SLC24A1: variants seen among roughly 807,000 people sequenced by gnomAD.
SLC24A1 encodes the protein sodium/potassium/calcium exchanger 1.
In SLC24A1, 52 loss-of-function variants were observed where a neutral mutation model predicts 88.1. That is an observed-to-expected ratio of 0.59 (90% CI 0.47 to 0.74). The LOEUF is 0.74. Among genes scored for constraint, SLC24A1 ranks in the 30% least tolerant of loss-of-function variants. SLC24A1 has a pLI of 0.00. For missense variants in SLC24A1, 1,173 were observed against 1,363.3 expected, an observed-to-expected ratio of 0.86 and a Z score of 2.20; for synonymous variants, 455 against 498.0, an observed-to-expected ratio of 0.91 and a Z score of 1.15.
At chr15:65,630,122 C>A (rs1467749610) in intron 2 of SLC24A1, among the ~76,000 whole-genome samples, 1 of 152,084 alleles carries the variant, frequency 6.6e-6, no homozygotes, top group Non-Finnish European at 1.5e-5. Context: ...TGCCACCACA[C>A]CCAGCTAATT....
At chr15:65,613,340 C>T (rs1294458695) in intron 2 of SLC24A1, among the ~76,000 whole-genome samples, 3 of 152,168 alleles carry the variant, frequency 2.0e-5, no homozygotes, top group East Asian at 3.8e-4. Flanking sequence ...TACTGGGGAG[C>T]TCAAAGGGAA....
chr15:65,638,094 CACA>C, intron 2 of SLC24A1, 31 bp from the exon 3 acceptor site: 2 of 1,552,576 alleles, frequency 1.3e-6, no homozygotes, highest in Non-Finnish European at 1.8e-6. Context: ...AGGGTCTCGC[CACA>C]ACATCTCGTG....
At chr15:65,639,550 C>T in intron 3 of SLC24A1, 45 bp from the exon 4 acceptor site, 1 of 1,290,496 alleles carries the variant, frequency 7.7e-7, no homozygotes, top group Non-Finnish European at 1.1e-6. Context: ...TGGTTCCTCC[C>T]CTGGCTTGGA....
chr15:65,657,195 C>T (rs997504078), downstream of SLC24A1, among the ~76,000 whole-genome samples: 1 of 151,956 alleles, frequency 6.6e-6, no homozygotes, highest in Non-Finnish European at 1.5e-5. Context: ...ATATTTTGAA[C>T]ATTATATTGC....
rs776973720 is a variant in SLC24A1 at position 65,625,216 on chromosome 15, C to T, written c.1136C>T (p.Thr379Ile). 1.4e-5 allele frequency: 23 copies of T among 1,613,884 alleles called. No homozygotes were observed. The Middle Eastern group carries it at 8.2e-4, about 58-fold the overall frequency. Residue 379 changes from threonine (T) to isoleucine (I), a missense_variant, in exon 2 of 10, where the codon ACA (threonine) becomes ATA (isoleucine). Thr to Ile is a moderately conservative substitution (Grantham distance 89). Transcript: ENST00000261892. ...CCTTCCACAGCACCCAGCACCTCAA[C>T]AACCCCTACGGTCAGGGCAAAGCTG... ...KKPSTAPSTS[T>I]TPTVRAKLTM...
At position 65,624,071 on chromosome 15, in the gene SLC24A1, AC is replaced by A. The variant is rs752867423; in HGVS notation, c.-9del. ...GAGAGGCCTTCTGTAACCAGATATA[AC>A]TGGCCAGCATGGGGAAATTGATCAG... is the stretch of plus-strand genomic sequence containing the variant. On this transcript the variant is annotated 5_prime_UTR_variant, in exon 2 of 10. In the 5' UTR this introduces an upstream ATG that the reference lacks. Coordinates refer to ENST00000261892, the MANE Select transcript of SLC24A1 (RefSeq NM_004727.3). 14 of 1,564,148 alleles carry A rather than the reference AC, an allele frequency of 9.0e-6. No individual in the cohort carries two copies. Among genetic ancestry groups the A allele is most frequent in the Non-Finnish European group, 1.2e-5 (14 of 1,158,150 alleles).
At chr15:65,652,981 G>T in intron 9 of SLC24A1, 173 bp downstream of exon 9, 1 of 481,692 alleles carries the variant, frequency 2.1e-6, no homozygotes, top group Non-Finnish European at 3.5e-6. Context: ...TAGCCAGATG[G>T]GATAATAGAC....
Position 65,624,232 on chromosome 15 carries a change from G to T in SLC24A1, c.152G>T (p.Trp51Leu), listed in dbSNP as rs763957405. 6.2e-7 allele frequency: 1 copy of T among 1,613,698 alleles called. No individual in the cohort carries two copies. The part of the protein sequence containing the change: ...LRRPRGLSSL[W>L]AAVSSHQPIK... ...AGACCCCGGGGCCTTTCCTCATTGTGGGCAGCAGTCTCTTCTCATCAGCCT... is the reference window on the plus strand; with the variant it reads ...AGACCCCGGGGCCTTTCCTCATTGTTGGCAGCAGTCTCTTCTCATCAGCCT... Residue 51 changes from tryptophan (W) to leucine (L), a missense_variant, in exon 2 of 10, where the codon TGG (tryptophan) becomes TTG (leucine). By Grantham distance (61) the Trp-to-Leu change is moderately conservative. Coordinates refer to ENST00000261892, the MANE Select transcript of SLC24A1 (RefSeq NM_004727.3).
chr15:65,660,614 T>C (rs1027430326), downstream of SLC24A1: 3 of 255,654 alleles, frequency 1.2e-5, no homozygotes, highest in African/African-American at 8.8e-5. Flanking sequence ...ACTAAAAATA[T>C]ATTTTTAAAG....
chr15:65,645,667 C>T lies in SLC24A1; in HGVS notation c.2196C>T (p.Asp732=). ...CGGTCACACCAGCCCCTGTTCCAGACATCAAGGGAGATCAGAAGGAGAATC... is the reference window on the plus strand; with the variant it reads ...CGGTCACACCAGCCCCTGTTCCAGATATCAAGGGAGATCAGAAGGAGAATC... ...AVTVTPAPVP[D]IKGDQKENPG... is the part of the protein sequence containing the mutation. Residue 732 remains aspartate (D), a synonymous_variant, in exon 6 of 10, where the codon GAC becomes GAT. Coordinates refer to ENST00000261892, the MANE Select transcript of SLC24A1 (RefSeq NM_004727.3). 1.9e-6 allele frequency: 3 copies of T among 1,580,890 alleles called. No homozygotes were observed. Among genetic ancestry groups the T allele is most frequent in the Non-Finnish European group, 2.6e-6 (3 of 1,163,308 alleles).
intron 8 of SLC24A1, 166 bp from the exon 9 acceptor site, chr15:65,652,476 C>G: frequency 1.7e-6 from 1 of 576,418 alleles, no homozygotes; most frequent in Non-Finnish European, 3.1e-6. Flanking sequence ...CTCTTCCTCT[C>G]TGTGGCCATC....
intron 1 of SLC24A1, 51 bp downstream of exon 1, chr15:65,622,143 C>T (rs1384332317): frequency 6.6e-6 from 1 of 152,198 alleles, no homozygotes. Context: ...CAGTTCAGCT[C>T]TGTTACATAA....
intron 2 of SLC24A1, among the ~76,000 whole-genome samples, chr15:65,631,765 G>A (rs919560497): frequency 2.6e-5 from 4 of 152,168 alleles, no homozygotes; most frequent in Non-Finnish European, 2.9e-5. Context: ...GGCAAAAACC[G>A]CGATTACTTT....
In SLC24A1 at chr15:65,625,815, A is replaced by C; in HGVS notation, c.1735A>C (p.Ser579Arg). Residue 579 changes from serine (S) to arginine (R), a missense_variant, in exon 2 of 10, where the codon AGC becomes CGC. Transcript: ENST00000261892. ...AATGCTCATCCTCTTCTTCCTGGAC[A>C]GCCTCATTGCCTGGTGGGAGAGCCT... ...LIMLILFFLDSLIAWWESLLL... is the reference protein window; with the variant it reads ...LIMLILFFLDRLIAWWESLLL... 6.2e-7 allele frequency: 1 copy of C among 1,614,026 alleles called. No individual in the cohort carries two copies. Among genetic ancestry groups the C allele is most frequent in the Non-Finnish European group, 8.5e-7 (1 of 1,179,904 alleles).
At position 65,645,646 on chromosome 15, in the gene SLC24A1, C is replaced by T. The variant is rs1356240688; in HGVS notation, c.2175C>T (p.Val725=). 2 of 1,579,152 alleles carry T rather than the reference C, an allele frequency of 1.3e-6. No homozygotes were observed. Among genetic ancestry groups the T allele is most frequent in the South Asian group, 1.2e-5 (1 of 85,600 alleles). Residue 725 remains valine, a synonymous_variant, in exon 6 of 10, where the codon GTC becomes GTT. Coordinates refer to ENST00000261892, the MANE Select transcript of SLC24A1 (RefSeq NM_004727.3). ...CAGCCAAGCTCCCTGCGGTCACGGT[C>T]ACACCAGCCCCTGTTCCAGACATCA... The part of the protein sequence containing the change: ...EEPAKLPAVT[V]TPAPVPDIKG...
At position 65,637,990 on chromosome 15, in the gene SLC24A1, G is replaced by T. The variant is rs2074996633; in HGVS notation, c.1891-138G>T. On this transcript the variant is annotated intron_variant, in intron 2 of 9. Transcript: ENST00000261892. ...AGGTCAGACTGGAGGGATGGAACAT[G>T]TTGAAACATTTTCTGAGACCAGGTT... 4.3e-6 allele frequency: 3 copies of T among 694,600 alleles called. No homozygotes were observed. The Admixed American group carries it at 6.1e-5, about 14-fold the overall frequency. 43.0% of individuals were successfully genotyped at this position (694,600 alleles called of 1,614,324 possible). A position where few individuals can be genotyped will look rare whatever the true frequency, so the allele number is the denominator to read the frequency against.
At chr15:65,634,869 G>T (rs919485187) in intron 2 of SLC24A1, among the ~76,000 whole-genome samples, 20 of 152,010 alleles carry the variant, frequency 1.3e-4, no homozygotes, top group Non-Finnish European at 2.8e-4. Context: ...TGTGAGTGTG[G>T]GTAAGTGATG....
At chr15:65,648,155 G>A (rs2075370490) in intron 6 of SLC24A1, among the ~76,000 whole-genome samples, 1 of 152,176 alleles carries the variant, frequency 6.6e-6, no homozygotes, top group Non-Finnish European at 1.5e-5. Flanking sequence ...AGCTACTCGG[G>A]ATGCTGAGGT....
intron 4 of SLC24A1, among the ~76,000 whole-genome samples, chr15:65,640,797 G>A (rs1019160102): frequency 6.6e-6 from 1 of 152,136 alleles, no homozygotes; most frequent in Non-Finnish European, 1.5e-5. Flanking sequence ...GGTGGCTCAC[G>A]CCTGTAATCC....
Sources: gnomAD v4.1 joint callset for allele counts (sites outside exome capture counted in the v4.1 genomes callset) on GRCh38, gnomAD v4.1.1 for gene constraint, MANE v1.5 for transcripts, NCBI Gene and HGNC (gene_info 2026-07-23, HGNC 2026-07-21) for gene names.